The following PRELID2 variants were observed in gnomAD, a reference collection of about 807,000 sequenced individuals.
PRELID2 encodes PRELI domain containing 2.
Under a neutral mutation model 28.4 loss-of-function variants are expected in PRELID2, and 25 were observed. The ratio of observed to expected loss-of-function variants is 0.88; its 90% CI spans 0.64 to 1.23. The LOEUF (loss-of-function observed/expected upper bound fraction) is 1.23, where lower values mean the gene tolerates loss of function less well. Ranked by LOEUF, PRELID2 falls within the 50% of genes most tolerant of loss-of-function variation. The pLI is 0.00. For synonymous variants in PRELID2, 76 were observed against 71.6 expected, an observed-to-expected ratio of 1.06 and a Z score of -0.31; for missense variants, 201 against 214.4, an observed-to-expected ratio of 0.94 and a Z score of 0.39.
the PRELID2 span, among the ~76,000 whole-genome samples, chr5:145,372,911 T>C: frequency 1.6e-5 from 1 of 64,344 alleles, no homozygotes; most frequent in Non-Finnish European, 3.2e-5. Flanking sequence ...ATATATAATA[T>C]ATATGATATT....
At chr5:145,764,841 T>G in intron 6 of PRELID2, 90 bp downstream of exon 6, 1 of 867,994 alleles carries the variant, frequency 1.2e-6, no homozygotes, top group South Asian at 1.4e-5. Flanking sequence ...GCAGCGTGAA[T>G]AGCCCAGGGA....
intron 1 of PRELID2, among the ~76,000 whole-genome samples, chr5:145,671,222 A>G (rs1581043210): frequency 2.0e-5 from 3 of 152,200 alleles, no homozygotes; most frequent in African/African-American, 7.2e-5. Flanking sequence ...CTATCGCTAT[A>G]CAGATTTCAG....
chr5:145,378,463 C>T, the PRELID2 span, among the ~76,000 whole-genome samples: 1 of 152,278 alleles, frequency 6.6e-6, no homozygotes, highest in South Asian at 2.1e-4. Flanking sequence ...TCCCACATTT[C>T]TCAGAGGTTT....
At chr5:145,323,446 T>A in the PRELID2 span, among the ~76,000 whole-genome samples, 1 of 152,174 alleles carries the variant, frequency 6.6e-6, no homozygotes, top group East Asian at 1.9e-4. Context: ...CTGGCCACTG[T>A]GTAGAGAATG....
chr5:145,297,632 G>A, the PRELID2 span, among the ~76,000 whole-genome samples: 3 of 151,666 alleles, frequency 2.0e-5, no homozygotes, highest in South Asian at 6.3e-4. Context: ...AATTAGGCAG[G>A]AGAAGGAAAT....
At chr5:145,641,141 A>T (rs1396101528) in intron 1 of PRELID2, among the ~76,000 whole-genome samples, 1 of 152,214 alleles carries the variant, frequency 6.6e-6, no homozygotes, top group African/African-American at 2.4e-5. Flanking sequence ...CACAGGAAAA[A>T]GTGAGGTAAA....
chr5:145,677,535 C>T (rs1216921063), intron 1 of PRELID2, among the ~76,000 whole-genome samples: 1 of 151,996 alleles, frequency 6.6e-6, no homozygotes, highest in Non-Finnish European at 1.5e-5. Context: ...GGATTTTCTT[C>T]AAAATAATCT....
intron 1 of PRELID2, among the ~76,000 whole-genome samples, chr5:145,611,949 G>A (rs1339961151): frequency 6.6e-6 from 1 of 152,130 alleles, no homozygotes; most frequent in African/African-American, 2.4e-5. Context: ...TACAAACATT[G>A]ACAAATAGAC....
the PRELID2 span, among the ~76,000 whole-genome samples, chr5:145,352,644 C>A: frequency 2.0e-5 from 3 of 152,190 alleles, no homozygotes; most frequent in African/African-American, 7.2e-5. Flanking sequence ...ATGCAAATGT[C>A]TGCAACAGGC....
At chr5:145,483,110 T>C (rs529734914) in intron 1 of PRELID2, among the ~76,000 whole-genome samples, 18 of 152,160 alleles carry the variant, frequency 1.2e-4, no homozygotes, top group Non-Finnish European at 2.4e-4. Flanking sequence ...GAAGTTGTAG[T>C]AGATGAAGTC....
chr5:145,817,210 A>ATATATATATATATAT (rs1561643788), intron 4 of PRELID2, among the ~76,000 whole-genome samples: 6 of 67,942 alleles, frequency 8.8e-5, no homozygotes, highest in East Asian at 3.0e-4. Flanking sequence ...TAAATAAATA[A>ATATATATATATATAT]ATAAAAAAAA....
chr5:145,718,419 TA>T (rs1755899064), intron 1 of PRELID2, among the ~76,000 whole-genome samples: 1 of 151,886 alleles, frequency 6.6e-6, no homozygotes, highest in South Asian at 2.1e-4. Flanking sequence ...AAAAGATGAT[TA>T]GAATAAATGG....
chr5:145,835,301 A>G lies in PRELID2; in HGVS notation c.-50T>C. 2.2e-6 allele frequency: 3 copies of G among 1,370,536 alleles called. No individual in the cohort carries two copies. The highest frequency in any genetic ancestry group is 1.3e-5 in the South Asian group (1 of 79,734). The allele number at this position is 1,370,536 out of a possible 1,614,324, so 84.9% of individuals were successfully genotyped here. On this transcript the variant is annotated 5_prime_UTR_variant, in exon 1 of 7. Transcript: ENST00000683046. ...ACCGGCCACGCCTCCGCGAGCTCAG[A>G]GCTGCCCAGGGCTCCGCAGAGGCCC...
chr5:145,415,109 A>C, the PRELID2 span, among the ~76,000 whole-genome samples: 163 of 152,278 alleles, frequency 1.1e-3, 1 homozygote, highest in African/African-American at 3.7e-3. Context: ...ACTCCTCAGC[A>C]AATGCAAAAG....
chr5:145,391,487 A>G, the PRELID2 span, among the ~76,000 whole-genome samples: 1 of 152,194 alleles, frequency 6.6e-6, no homozygotes, highest in East Asian at 1.9e-4. Context: ...TGCATAGAGC[A>G]GAAGGATCGC....
chr5:145,398,417 T>C, the PRELID2 span, among the ~76,000 whole-genome samples: 3 of 152,082 alleles, frequency 2.0e-5, no homozygotes, highest in Non-Finnish European at 2.9e-5. Context: ...GTAACATACC[T>C]TTCTGAAGGC....
chr5:145,505,293 T>G (rs563408763), intron 1 of PRELID2, among the ~76,000 whole-genome samples: 2 of 152,206 alleles, frequency 1.3e-5, no homozygotes, highest in South Asian at 4.1e-4. Flanking sequence ...CATATGGTGG[T>G]TTCTTACAAA....
chr5:145,809,036 C>CTTT (rs372516210), intron 4 of PRELID2, among the ~76,000 whole-genome samples: 75 of 105,792 alleles, frequency 7.1e-4, no homozygotes, highest in Non-Finnish European at 9.7e-4. Context: ...TTTTTTTTTG[C>CTTT]TTTTTTTTTT....
At chr5:145,378,018 T>A in the PRELID2 span, among the ~76,000 whole-genome samples, 1 of 152,194 alleles carries the variant, frequency 6.6e-6, no homozygotes, top group Non-Finnish European at 1.5e-5. Context: ...TTTGTTTGTC[T>A]GAAAAGGATG....
Sources: gnomAD v4.1 joint callset for allele counts (sites outside exome capture counted in the v4.1 genomes callset) on GRCh38, gnomAD v4.1.1 for gene constraint, MANE v1.5 for transcripts, NCBI Gene and HGNC (gene_info 2026-07-23, HGNC 2026-07-21) for gene names.